Variants in HHIP observed in about 807,000 individuals in gnomAD.
The protein encoded by HHIP is hedgehog-interacting protein.
HHIP carries 12 observed loss-of-function variants against 74.0 expected under a neutral mutation model. The ratio of observed to expected loss-of-function variants is 0.16; its 90% CI spans 0.10 to 0.26. HHIP has a LOEUF of 0.26. Among genes scored for constraint, HHIP ranks in the 10% least tolerant of loss-of-function variants. HHIP has a pLI of 1.00. For synonymous variants in HHIP, 309 were observed against 311.6 expected (o/e 0.99, Z 0.09); for missense variants, 788 against 845.0 (o/e 0.93, Z 0.84).
chr4:144,684,121 T>C (rs6819982), intron 4 of HHIP, among the ~76,000 whole-genome samples: 89,039 of 148,944 alleles, frequency 0.6, 26,641 homozygotes, highest in South Asian at 0.78. Flanking sequence ...GCCTGTAATC[T>C]CAGCATTTTG....
intron 4 of HHIP, among the ~76,000 whole-genome samples, chr4:144,683,222 G>A (rs963715448): frequency 3.9e-5 from 6 of 152,110 alleles, no homozygotes; most frequent in South Asian, 4.2e-4. Context: ...AAAGAAGCTT[G>A]GATCAGATTG....
At chr4:144,719,554 C>G (rs1730571316) in intron 11 of HHIP, among the ~76,000 whole-genome samples, 1 of 152,148 alleles carries the variant, frequency 6.6e-6, no homozygotes. Context: ...ACCCCTGGTC[C>G]TTCCCACTCA....
intron 4 of HHIP, among the ~76,000 whole-genome samples, chr4:144,688,634 C>G (rs1012076251): frequency 1.3e-5 from 2 of 152,042 alleles, no homozygotes; most frequent in African/African-American, 4.8e-5. Context: ...CTATTTTATC[C>G]TTTAAAAGAC....
intron 11 of HHIP, among the ~76,000 whole-genome samples, chr4:144,730,009 C>A (rs1294191005): frequency 4.6e-5 from 7 of 152,172 alleles, no homozygotes; most frequent in African/African-American, 1.7e-4. Context: ...AATCAAAGGA[C>A]TTCTCATGTA....
At chr4:144,660,238 T>C in intron 4 of HHIP, 1 of 251,008 alleles carries the variant, frequency 4.0e-6, no homozygotes, top group Non-Finnish European at 7.5e-6. Flanking sequence ...ATCTCTGTTT[T>C]TGAGTCTGTC....
chr4:144,743,500 C>T lies in HHIP; in HGVS notation c.*5543C>T, dbSNP rs1731318401. The T allele has an allele frequency of 6.6e-6, 1 of 152,018 alleles. No individual in the cohort carries two copies. Among genetic ancestry groups the T allele is most frequent in the South Asian group, 2.1e-4 (1 of 4,824 alleles). 9.4% of individuals were successfully genotyped at this position (152,018 alleles called of 1,614,324 possible). On this transcript the variant is annotated 3_prime_UTR_variant, in exon 13 of 13. Coordinates refer to ENST00000296575, the MANE Select transcript of HHIP (RefSeq NM_022475.3). ...TAACATTTACAAAATGGTATCAGCTCAACATTAAATCTAAGGTTACTTCTC... is the reference window on the plus strand; with the variant it reads ...TAACATTTACAAAATGGTATCAGCTTAACATTAAATCTAAGGTTACTTCTC...
intron 11 of HHIP, among the ~76,000 whole-genome samples, chr4:144,731,562 G>C (rs1730955524): frequency 6.6e-6 from 1 of 152,048 alleles, no homozygotes; most frequent in South Asian, 2.1e-4. Context: ...TGGGATTACA[G>C]ACACCCAGGA....
chr4:144,669,498 C>G (rs2126603912), intron 4 of HHIP, among the ~76,000 whole-genome samples: 1 of 152,290 alleles, frequency 6.6e-6, no homozygotes, highest in South Asian at 2.1e-4. Context: ...CATCTATTCA[C>G]TCACTTAAAA....
At chr4:144,660,173 G>T (rs1728673506) in intron 4 of HHIP, 1 of 359,780 alleles carries the variant, frequency 2.8e-6, no homozygotes, top group Non-Finnish European at 4.9e-6. Flanking sequence ...GCATTTGCTA[G>T]TAGAAACAAA....
intron 4 of HHIP, among the ~76,000 whole-genome samples, chr4:144,676,225 C>T (rs1174542824): frequency 6.6e-6 from 1 of 151,952 alleles, no homozygotes; most frequent in Non-Finnish European, 1.5e-5. Context: ...GTCCCCTTTT[C>T]CCCCACTCTA....
rs545656908 is a variant in HHIP, at chr4:144,655,219, T to C, written c.472+2422T>C. 7.2e-5 allele frequency among the ~76,000 whole-genome samples: 11 copies of C among 152,350 alleles called. No individual in the cohort carries two copies. The South Asian group carries it at 2.1e-3, about 29-fold the overall frequency. On this transcript the variant is annotated intron_variant, in intron 2 of 12. Coordinates refer to ENST00000296575, the MANE Select transcript of HHIP (RefSeq NM_022475.3). The stretch of plus-strand genomic sequence containing the variant: ...ACAAAGCAATATAGTGAGTATATAC[T>C]AGAGTTTTATTAATCATAATATTTT...
In HHIP at chr4:144,718,954, A is replaced by G. The variant is rs1171239281; in HGVS notation, c.1758A>G (p.Lys586=). ...NGKLYKIVDP[K]RPLMPEECRA... Reference sequence around the variant, plus strand: ...AACTCTACAAAATTGTAGATCCCAAAAGGTGAGATTTCCTTTTATCCCATT... The same window carrying G: ...AACTCTACAAAATTGTAGATCCCAAGAGGTGAGATTTCCTTTTATCCCATT... Residue 586 remains lysine, a splice_region_variant and synonymous_variant, in exon 11 of 13, where the codon AAA becomes AAG. Transcript: ENST00000296575. 1 of 1,576,544 alleles carries G rather than the reference A, an allele frequency of 6.3e-7. No homozygotes were observed. The highest frequency in any genetic ancestry group is 1.4e-5 in the African/African-American group (1 of 74,046).
intron 11 of HHIP, among the ~76,000 whole-genome samples, chr4:144,721,594 GAAAAAAA>G: frequency 7.7e-6 from 1 of 130,272 alleles, no homozygotes; most frequent in Non-Finnish European, 1.6e-5. Context: ...GTTATTTAAG[GAAAAAAA>G]AAAAAAAAAA....
chr4:144,722,712 G>A (rs1226968500), intron 11 of HHIP, among the ~76,000 whole-genome samples: 1 of 152,034 alleles, frequency 6.6e-6, no homozygotes, highest in East Asian at 1.9e-4. Context: ...AAATTAGCTG[G>A]GCATGGTAGT....
chr4:144,703,657 G>A (rs1730050764), intron 4 of HHIP, among the ~76,000 whole-genome samples: 1 of 152,194 alleles, frequency 6.6e-6, no homozygotes, highest in African/African-American at 2.4e-5. Flanking sequence ...CACAGTCAGA[G>A]CTGGGACAAA....
chr4:144,743,030 T>C lies in HHIP; in HGVS notation c.*5073T>C, dbSNP rs1372610466. On this transcript the variant is annotated 3_prime_UTR_variant, in exon 13 of 13. Coordinates refer to ENST00000296575, the MANE Select transcript of HHIP (RefSeq NM_022475.3). The stretch of plus-strand genomic sequence containing the variant: ...ATATATTATATATATATAATATATA[T>C]CTTATATATATATATATCTTAATAC... The C allele has an allele frequency of 3.2e-5, 4 of 124,752 alleles. No homozygotes were observed. Among genetic ancestry groups the C allele is most frequent in the Admixed American group, 8.7e-5 (1 of 11,492 alleles). 7.7% of individuals were successfully genotyped at this position (124,752 alleles called of 1,614,324 possible). A position where few individuals can be genotyped will look rare whatever the true frequency, so the allele number is the denominator to read the frequency against.
At chr4:144,699,780 C>A (rs1438374588) in intron 4 of HHIP, among the ~76,000 whole-genome samples, 1 of 151,072 alleles carries the variant, frequency 6.6e-6, no homozygotes, top group Non-Finnish European at 1.5e-5. Context: ...ATCACAGAAA[C>A]AAATCATGCA....
chr4:144,709,637 T>C (rs1404537835), intron 7 of HHIP, among the ~76,000 whole-genome samples: 1 of 152,154 alleles, frequency 6.6e-6, no homozygotes, highest in Non-Finnish European at 1.5e-5. Flanking sequence ...AAATTAATTA[T>C]TGGCTAAAAA....
chr4:144,691,707 T>G (rs1729675503), intron 4 of HHIP, among the ~76,000 whole-genome samples: 1 of 152,134 alleles, frequency 6.6e-6, no homozygotes, highest in Admixed American at 6.6e-5. Context: ...TTGATTTCAA[T>G]AACTCCAGCC....
Sources: gnomAD v4.1 joint callset for allele counts (sites outside exome capture counted in the v4.1 genomes callset) on GRCh38, gnomAD v4.1.1 for gene constraint, MANE v1.5 for transcripts, NCBI Gene and HGNC (gene_info 2026-07-23, HGNC 2026-07-21) for gene names.